The following SLAIN2 variants were observed in gnomAD, a reference collection of about 807,000 sequenced individuals.
SLAIN2 encodes SLAIN motif-containing protein 2.
A neutral mutation model predicts 56.6 loss-of-function variants in SLAIN2; 31 were observed. The observed-to-expected ratio is 0.55, with a 90% CI of 0.41 to 0.74. The LOEUF is 0.74. Ranked by LOEUF, SLAIN2 falls within the 30% of genes least tolerant of loss-of-function variation. The pLI is 0.00. For missense variants in SLAIN2, 777 were observed against 754.2 expected (o/e 1.03, Z -0.35); for synonymous variants, 317 against 284.9 (o/e 1.11, Z -1.13).
At chr4:48,419,062 A>C (rs910793271) in intron 6 of SLAIN2, among the ~76,000 whole-genome samples, 3 of 150,696 alleles carry the variant, frequency 2.0e-5, no homozygotes, top group African/African-American at 7.3e-5. Flanking sequence ...GGCTGTTACA[A>C]AGTTGTAGTC....
At chr4:48,353,890 T>C (rs1223029905) in intron 1 of SLAIN2, among the ~76,000 whole-genome samples, 1 of 152,088 alleles carries the variant, frequency 6.6e-6, no homozygotes, top group East Asian at 1.9e-4. Context: ...TTAATAAGGA[T>C]TAGTGAATCA....
chr4:48,394,711 A>G, intron 6 of SLAIN2: 1 of 1,435,046 alleles, frequency 7.0e-7, no homozygotes, highest in Non-Finnish European at 9.4e-7. Context: ...TTAAATCTTA[A>G]GCCATTTGGC....
At chr4:48,389,875 G>A (rs1481035419) in intron 6 of SLAIN2, among the ~76,000 whole-genome samples, 1 of 152,100 alleles carries the variant, frequency 6.6e-6, no homozygotes, top group African/African-American at 2.4e-5. Flanking sequence ...CCTGTAAGTG[G>A]GAGGAGCCAT....
chr4:48,367,500 A>G (rs1483775580), intron 1 of SLAIN2, among the ~76,000 whole-genome samples: 6 of 152,244 alleles, frequency 3.9e-5, no homozygotes, highest in African/African-American at 1.2e-4. Flanking sequence ...AGGTAGGCTC[A>G]GCAAGTCTTG....
intron 1 of SLAIN2, among the ~76,000 whole-genome samples, chr4:48,343,257 TTTC>T (rs1376119533): frequency 3.3e-5 from 5 of 152,194 alleles, no homozygotes; most frequent in African/African-American, 9.6e-5. Context: ...TGAGGCTCAC[TTTC>T]TTCTTGTATT....
At position 48,341,659 on chromosome 4, in the gene SLAIN2, C is replaced by A; in HGVS notation, c.-81C>A. ...GCGCCTCGGCTAGAGTGAGCGGCGGCGACGCCTCTTTCCTCCGTCTCTTTC... is the reference window on the plus strand; with the variant it reads ...GCGCCTCGGCTAGAGTGAGCGGCGGAGACGCCTCTTTCCTCCGTCTCTTTC... On this transcript the variant is annotated 5_prime_UTR_variant, in exon 1 of 8. Transcript: ENST00000264313. The A allele has an allele frequency of 2.7e-6, 4 of 1,479,098 alleles. No homozygotes were observed. The highest frequency in any genetic ancestry group is 3.6e-6 in the Non-Finnish European group (4 of 1,114,696). 91.6% of individuals were successfully genotyped at this position (1,479,098 alleles called of 1,614,324 possible).
rs995604990 is a variant in SLAIN2 at position 48,422,959 on chromosome 4, T to C, written c.*882T>C. The C allele has an allele frequency of 2.0e-5, 3 of 152,172 alleles. No individual in the cohort carries two copies. The highest frequency in any genetic ancestry group is 7.2e-5 in the African/African-American group (3 of 41,458). The allele number at this position is 152,172 out of a possible 1,614,324, so 9.4% of individuals were successfully genotyped here. On this transcript the variant is annotated 3_prime_UTR_variant, in exon 8 of 8. Coordinates refer to ENST00000264313, the MANE Select transcript of SLAIN2 (RefSeq NM_020846.2). The stretch of plus-strand genomic sequence containing the variant: ...TCTTGTTTCTATTAGCAGGTTTTCA[T>C]GATAGGAAAGAACAAGTAGTGTGTG...
At position 48,423,325 on chromosome 4, in the gene SLAIN2, A is replaced by T. The variant is rs1412032431; in HGVS notation, c.*1248A>T. ...ACTCTAACCTGATACTTGCTCTCTA[A>T]TGGCTCTTAATATATCCTTGAAATC... On this transcript the variant is annotated 3_prime_UTR_variant, in exon 8 of 8. Transcript: ENST00000264313. 6.6e-6 allele frequency: 1 copy of T among 152,084 alleles called. No homozygotes were observed. Among genetic ancestry groups the T allele is most frequent in the Non-Finnish European group, 1.5e-5 (1 of 67,994 alleles). 9.4% of individuals were successfully genotyped at this position (152,084 alleles called of 1,614,324 possible). A position where few individuals can be genotyped will look rare whatever the true frequency, so the allele number is the denominator to read the frequency against.
intron 1 of SLAIN2, among the ~76,000 whole-genome samples, chr4:48,347,909 T>C (rs1714911029): frequency 6.6e-6 from 1 of 152,228 alleles, no homozygotes; most frequent in South Asian, 2.1e-4. Context: ...CATTATGTTT[T>C]CACAGTACAT....
intron 1 of SLAIN2, among the ~76,000 whole-genome samples, chr4:48,356,265 T>TA (rs1367193584): frequency 2.6e-5 from 4 of 152,230 alleles, no homozygotes; most frequent in Admixed American, 2.0e-4. Flanking sequence ...TGCATGTTTG[T>TA]AATGTTTATA....
intron 6 of SLAIN2, among the ~76,000 whole-genome samples, chr4:48,400,733 T>G (rs1716528825): frequency 6.6e-6 from 1 of 152,246 alleles, no homozygotes; most frequent in South Asian, 2.1e-4. Flanking sequence ...GGTAGTAGTC[T>G]ATTTTATTAA....
At chr4:48,343,289 C>T (rs1376510352) in intron 1 of SLAIN2, among the ~76,000 whole-genome samples, 1 of 152,180 alleles carries the variant, frequency 6.6e-6, no homozygotes, top group Non-Finnish European at 1.5e-5. Flanking sequence ...AAAATAATAG[C>T]ACTTACCTCT....
rs879450792 is a variant in SLAIN2 at position 48,412,397 on chromosome 4, CACACACACACACACACACAT to C, written c.1361-7727_1361-7708del. On this transcript the variant is annotated intron_variant, in intron 6 of 7. Coordinates refer to ENST00000264313, the MANE Select transcript of SLAIN2 (RefSeq NM_020846.2). Reference sequence around the variant, plus strand: ...ACACACACACACACACACACACACACACACACACACACACACACATTCCCTCTCTCTCTCTCTCTCTGTGT... The same window carrying C: ...ACACACACACACACACACACACACACTCCCTCTCTCTCTCTCTCTCTGTGT... 2.4e-3 allele frequency among the ~76,000 whole-genome samples: 146 copies of C among 60,900 alleles called. 4 individuals are homozygous for C. The highest frequency in any genetic ancestry group is 2.9e-3 in the Non-Finnish European group (71 of 24,568). 40.0% of individuals were successfully genotyped at this position (60,900 alleles called of 152,430 possible). A position where few individuals can be genotyped will look rare whatever the true frequency, so the allele number is the denominator to read the frequency against.
At chr4:48,402,787 G>A (rs140703770) in intron 6 of SLAIN2, among the ~76,000 whole-genome samples, 1 of 152,310 alleles carries the variant, frequency 6.6e-6, no homozygotes, top group Admixed American at 6.5e-5. Flanking sequence ...GTCATTTGGA[G>A]GAGAATACAA....
At chr4:48,345,820 A>G (rs1714849843) in intron 1 of SLAIN2, among the ~76,000 whole-genome samples, 1 of 152,112 alleles carries the variant, frequency 6.6e-6, no homozygotes, top group African/African-American at 2.4e-5. Context: ...TCTTCATTCA[A>G]ATTGTTGATA....
intron 6 of SLAIN2, chr4:48,394,544 G>A: frequency 6.6e-7 from 1 of 1,519,408 alleles, no homozygotes; most frequent in South Asian, 1.2e-5. Flanking sequence ...TGTACTTCCA[G>A]GCAAATATTA....
At chr4:48,390,667 T>C (rs1015214827) in intron 6 of SLAIN2, among the ~76,000 whole-genome samples, 11 of 152,202 alleles carry the variant, frequency 7.2e-5, no homozygotes, top group African/African-American at 2.7e-4. Context: ...GACAATGGGT[T>C]AATAATTTGA....
chr4:48,363,950 G>C (rs1350249662), intron 1 of SLAIN2, among the ~76,000 whole-genome samples: 2 of 120,786 alleles, frequency 1.7e-5, no homozygotes, highest in Non-Finnish European at 3.9e-5. Flanking sequence ...CCTCCCGGAC[G>C]GGGCGGCTGG....
Position 48,422,001 on chromosome 4 carries a change from T to C in SLAIN2, c.1680-10T>C, listed in dbSNP as rs1717167512. ...TATCAAATTTTAATTACAAAATTGC[T>C]TTATTACAGATCCTTGCCAGCTCCT... is the stretch of plus-strand genomic sequence containing the variant. On this transcript the variant is annotated splice_polypyrimidine_tract_variant and intron_variant, in intron 7 of 7. Transcript: ENST00000264313. The C allele has an allele frequency of 1.9e-6, 3 of 1,600,200 alleles. No individual in the cohort carries two copies. Among genetic ancestry groups the C allele is most frequent in the African/African-American group, 1.3e-5 (1 of 74,578 alleles).
Sources: allele counts gnomAD v4.1 joint callset (sites outside exome capture counted in the v4.1 genomes callset), GRCh38; gene constraint gnomAD v4.1.1; transcripts MANE v1.5; gene names NCBI Gene and HGNC (gene_info 2026-07-23, HGNC 2026-07-21).